AKAP3: variants seen among roughly 807,000 people sequenced by gnomAD.
The protein encoded by AKAP3 is A-kinase anchoring protein 3.
AKAP3 carries 27 observed loss-of-function variants against 57.2 expected under a neutral mutation model. The observed-to-expected ratio is 0.47, with a 90% CI of 0.35 to 0.65. The LOEUF is 0.65. Among genes scored for constraint, AKAP3 ranks in the 30% least tolerant of loss-of-function variants. AKAP3 has a pLI of 0.01. For missense variants in AKAP3, 959 were observed against 1,040.0 expected (o/e 0.92, Z 1.07); for synonymous variants, 334 against 392.3 (o/e 0.85, Z 1.76).
Position 4,631,934 on chromosome 12 carries a change from T to C in AKAP3, c.97-3129A>G, listed in dbSNP as rs187148028. Among the ~76,000 whole-genome samples, 62 of 152,346 alleles carry C rather than the reference T, an allele frequency of 4.1e-4. 1 individual carries two copies. Among genetic ancestry groups the C allele is most frequent in the African/African-American group, 1.3e-3 (53 of 41,590 alleles). On this transcript the variant is annotated intron_variant, in intron 4 of 5. Coordinates refer to ENST00000228850, the MANE Select transcript of AKAP3 (RefSeq NM_001278309.2). ...GGTTTACAGATCCAAAAAAGCCACA[T>C]TACTTCTATTTAATGTTTAAGATTA...
In AKAP3 at chr12:4,620,474, C is replaced by CAAAA. The variant is rs35307509; in HGVS notation, c.2407-4584_2407-4581dup. On this transcript the variant is annotated intron_variant, in intron 5 of 5. Coordinates refer to ENST00000228850, the MANE Select transcript of AKAP3 (RefSeq NM_001278309.2). ...CCTGGGTGACAGAGCGAGACTGTCTCAAAAAAAAAAAAAAAAAAAAAGAGA... is the reference window on the plus strand; with the variant it reads ...CCTGGGTGACAGAGCGAGACTGTCTCAAAAAAAAAAAAAAAAAAAAAAAAAGAGA... Among the ~76,000 whole-genome samples the CAAAA allele has an allele frequency of 2.1e-3, 172 of 82,440 alleles. 3 individuals carry two copies. The highest frequency in any genetic ancestry group is 2.9e-3 in the Admixed American group (19 of 6,592). 54.1% of individuals were successfully genotyped at this position (82,440 alleles called of 152,430 possible).
intron 2 of AKAP3, among the ~76,000 whole-genome samples, chr12:4,644,044 C>A (rs1049338663): frequency 1.3e-5 from 2 of 152,216 alleles, no homozygotes; most frequent in African/African-American, 4.8e-5. Context: ...GTGCCTGCTA[C>A]ATCGTAGAAG....
At chr12:4,638,523 C>T (rs1388253548) in intron 3 of AKAP3, among the ~76,000 whole-genome samples, 1 of 152,152 alleles carries the variant, frequency 6.6e-6, no homozygotes, top group Non-Finnish European at 1.5e-5. Context: ...GACGACCCTC[C>T]CCCTGCACTC....
At chr12:4,643,103 A>G (rs1945656842) in intron 2 of AKAP3, among the ~76,000 whole-genome samples, 2 of 152,148 alleles carry the variant, frequency 1.3e-5, no homozygotes. Context: ...GTGCTTTTGT[A>G]TTTTTTTCAT....
chr12:4,648,110 A>C (rs1770533846), intron 1 of AKAP3: 1 of 152,234 alleles, frequency 6.6e-6, no homozygotes, highest in East Asian at 1.9e-4. Flanking sequence ...GAGGTTGACC[A>C]GAATAAAGTA....
At chr12:4,630,511 AC>A (rs1334134750) in intron 4 of AKAP3, among the ~76,000 whole-genome samples, 1 of 152,192 alleles carries the variant, frequency 6.6e-6, no homozygotes, top group East Asian at 1.9e-4. Flanking sequence ...TGTCTGCAGG[AC>A]TGGTTTAAGT....
At position 4,626,873 on chromosome 12, in the gene AKAP3, C is replaced by G; in HGVS notation, c.2029G>C (p.Val677Leu). 1 of 1,612,584 alleles carries G rather than the reference C, an allele frequency of 6.2e-7. No individual in the cohort carries two copies. Residue 677 changes from valine to leucine, a missense_variant, in exon 5 of 6, where the codon GTG becomes CTG. Physicochemically the swap from Val to Leu is conservative, Grantham distance 32. Transcript: ENST00000228850. ...GQMVEHLMNS[V>L]MKLCVIIAKS... is the part of the protein sequence containing the mutation. ...GCAATGATGACACACAGCTTCATCA[C>G]TGAGTTCATCAGATGTTCTACCATC...
rs1386928484 is a variant in AKAP3, at chr12:4,648,656, C to T, written c.-245+89G>A. The T allele has an allele frequency of 1.2e-4, 19 of 154,400 alleles. No individual in the cohort carries two copies. The Admixed American group carries it at 1.2e-3, about 10-fold the overall frequency. The allele number at this position is 154,400 out of a possible 1,614,324, so 9.6% of individuals were successfully genotyped here. ...ATTTTGGTTTCTCTTCTCCACTTTT[C>T]CCCTCGTTCTTGTCCCCCCTTTTCT... On this transcript the variant is annotated intron_variant, in intron 1 of 5. Coordinates refer to ENST00000228850, the MANE Select transcript of AKAP3 (RefSeq NM_001278309.2).
intron 1 of AKAP3, among the ~76,000 whole-genome samples, chr12:4,647,331 C>T (rs949634040): frequency 6.6e-6 from 1 of 151,816 alleles, no homozygotes; most frequent in East Asian, 1.9e-4. Flanking sequence ...TCACAGCTAA[C>T]GAATGACAAA....
Position 4,627,066 on chromosome 12 carries a change from G to A in AKAP3, c.1836C>T (p.Ser612=). The A allele has an allele frequency of 1.2e-6, 2 of 1,614,094 alleles. No individual in the cohort carries two copies. The highest frequency in any genetic ancestry group is 1.7e-6 in the Non-Finnish European group (2 of 1,179,980). ...LSETIFKRDQ[S]PEPKVPEQPV... The stretch of plus-strand genomic sequence containing the variant: ...GCTGTTCCGGCACCTTGGGTTCAGG[G>A]CTCTGGTCACGCTTGAAAATGGTCT... Residue 612 remains serine, a synonymous_variant, in exon 5 of 6, where the codon AGC becomes AGT. Coordinates refer to ENST00000228850, the MANE Select transcript of AKAP3 (RefSeq NM_001278309.2).
At position 4,627,859 on chromosome 12, in the gene AKAP3, AG is replaced by A. The variant is rs1380557986; in HGVS notation, c.1042del (p.Leu348SerfsTer2). On this transcript the variant is annotated frameshift_variant, in exon 5 of 6. Transcript: ENST00000228850. LOFTEE classifies it high-confidence loss of function. ...CGAGACAAACTGTGTGTCAGTCATG[AG>A]GGTCCCTGTGACGCTGTGGAGATTC... Reference protein sequence around the residue: ...LRNLHSVTGTLMTDTQFVSAV... With the variant: ...LRNLHSVTGTXMTDTQFVSAV... 1 of 1,614,170 alleles carries A rather than the reference AG, an allele frequency of 6.2e-7. No homozygotes were observed. The highest frequency in any genetic ancestry group is 1.7e-5 in the Admixed American group (1 of 60,024).
At chr12:4,621,789 G>T (rs142289966) in intron 5 of AKAP3, among the ~76,000 whole-genome samples, 2 of 152,076 alleles carry the variant, frequency 1.3e-5, no homozygotes, top group Non-Finnish European at 1.5e-5. Flanking sequence ...TGCTAATATC[G>T]TAAAGTGGAG....
chr12:4,616,048 G>A (rs1470845579), intron 5 of AKAP3, among the ~76,000 whole-genome samples, 154 bp from the exon 6 acceptor site: 5 of 152,182 alleles, frequency 3.3e-5, no homozygotes, highest in Non-Finnish European at 7.3e-5. Flanking sequence ...GAAGGAGGTT[G>A]GTGACTTCAT....
intron 2 of AKAP3, among the ~76,000 whole-genome samples, chr12:4,642,494 C>G (rs561317289): frequency 7.2e-5 from 11 of 152,278 alleles, no homozygotes; most frequent in African/African-American, 2.6e-4. Flanking sequence ...TTTAGTTCTA[C>G]TAAGACATTT....
intron 4 of AKAP3, among the ~76,000 whole-genome samples, chr12:4,634,908 T>C (rs1945544758): frequency 6.6e-6 from 1 of 152,198 alleles, no homozygotes; most frequent in Admixed American, 6.5e-5. Context: ...CTGAATACTA[T>C]GGCTAAGCAT....
intron 3 of AKAP3, among the ~76,000 whole-genome samples, chr12:4,640,696 A>G (rs753584832): frequency 1.3e-5 from 2 of 152,252 alleles, no homozygotes; most frequent in Non-Finnish European, 2.9e-5. Flanking sequence ...ACTAACTCAG[A>G]TTACTGAGCT....
intron 5 of AKAP3, among the ~76,000 whole-genome samples, chr12:4,620,364 C>G (rs957109934): frequency 4.7e-5 from 7 of 150,362 alleles, no homozygotes; most frequent in African/African-American, 1.7e-4. Context: ...GTAATCCCAG[C>G]TACTTGGGAG....
In AKAP3 at chr12:4,628,382, T is replaced by C. The variant is rs750484299; in HGVS notation, c.520A>G (p.Ile174Val). The C allele has an allele frequency of 6.2e-7, 1 of 1,614,196 alleles. No individual in the cohort carries two copies. The highest frequency in any genetic ancestry group is 1.1e-5 in the South Asian group (1 of 91,090). ...GTCTCATTCACAAGCTCTGATGCTA[T>C]CTTACTGAGGCTTTTGGTGGGTGTG... is the stretch of plus-strand genomic sequence containing the variant. ...EPTPTKSLSKIASELVNETVS... is the reference protein window; with the variant it reads ...EPTPTKSLSKVASELVNETVS... The change falls in exon 5 of 6, where the codon ATA becomes GTA. Residue 174 changes from isoleucine (I) to valine (V), a missense_variant. Coordinates refer to ENST00000228850, the MANE Select transcript of AKAP3 (RefSeq NM_001278309.2).
chr12:4,636,841 C>G (rs1270193170), intron 4 of AKAP3, among the ~76,000 whole-genome samples: 1 of 152,190 alleles, frequency 6.6e-6, no homozygotes, highest in Non-Finnish European at 1.5e-5. Flanking sequence ...CCTCAAACTC[C>G]TGGGCTCAAG....
Sources: allele counts gnomAD v4.1 joint callset (sites outside exome capture counted in the v4.1 genomes callset), GRCh38; gene constraint gnomAD v4.1.1; transcripts MANE v1.5; gene names NCBI Gene and HGNC (gene_info 2026-07-23, HGNC 2026-07-21).